KIF15: variants seen among roughly 807,000 people sequenced by gnomAD.
KIF15 encodes the protein kinesin-like protein KIF15.
Under a neutral mutation model 190.6 loss-of-function variants are expected in KIF15, and 140 were observed. The ratio of observed to expected loss-of-function variants is 0.73; its 90% CI spans 0.64 to 0.84. KIF15 has a LOEUF of 0.84. Among genes scored for constraint, KIF15 ranks in the 40% least tolerant of loss-of-function variants. KIF15 has a pLI of 0.00. For missense variants in KIF15, 1,372 were observed against 1,584.4 expected (o/e 0.87, Z 2.28); for synonymous variants, 528 against 551.3 (o/e 0.96, Z 0.59).
intron 6 of KIF15, among the ~76,000 whole-genome samples, chr3:44,868,018 G>A (rs1699339001): frequency 6.6e-6 from 1 of 152,094 alleles, no homozygotes; most frequent in South Asian, 2.1e-4. Context: ...TAGTATTTTA[G>A]TAGATTCACA....
chr3:44,829,888 G>A, intron 24 of KIF15, 83 bp from the exon 25 acceptor site: 1 of 537,126 alleles, frequency 1.9e-6, no homozygotes, highest in East Asian at 3.6e-5. Context: ...ATTGCCATTA[G>A]GAAAGATAAG....
chr3:44,862,707 G>C (rs920678536), intron 6 of KIF15: 1 of 151,862 alleles, frequency 6.6e-6, no homozygotes, highest in Non-Finnish European at 1.5e-5. Flanking sequence ...GCATCCTGGC[G>C]TCTGCTAAGG....
At chr3:44,821,604 A>G in intron 20 of KIF15, among the ~76,000 whole-genome samples, 1 of 143,788 alleles carries the variant, frequency 7.0e-6, no homozygotes, top group African/African-American at 2.6e-5. Context: ...CCTAGATGGG[A>G]TGGCGGCTGG....
intron 22 of KIF15, 64 bp from the exon 23 acceptor site, chr3:44,827,395 A>G: frequency 1.7e-6 from 2 of 1,171,194 alleles, no homozygotes; most frequent in Non-Finnish European, 2.6e-6. Context: ...ATTCTGTACT[A>G]ACAGATTCAG....
intron 26 of KIF15, among the ~76,000 whole-genome samples, chr3:44,832,122 G>A (rs1698101512): frequency 6.6e-6 from 1 of 152,046 alleles, no homozygotes; most frequent in African/African-American, 2.4e-5. Context: ...ATTCTGCCAG[G>A]GGAAATTCTA....
chr3:44,839,396 G>T (rs898028079), intron 27 of KIF15, among the ~76,000 whole-genome samples: 1 of 151,916 alleles, frequency 6.6e-6, no homozygotes, highest in African/African-American at 2.4e-5. Flanking sequence ...AAGAAAAGGA[G>T]ATGATGATTG....
At chr3:44,768,085 C>T (rs1705477609) in intron 1 of KIF15, among the ~76,000 whole-genome samples, 1 of 151,500 alleles carries the variant, frequency 6.6e-6, no homozygotes. Flanking sequence ...ACCATCCTGG[C>T]CAACATGGTG....
intron 20 of KIF15, among the ~76,000 whole-genome samples, chr3:44,821,649 C>A (rs112937609): frequency 2.0e-5 from 3 of 151,108 alleles, no homozygotes; most frequent in Non-Finnish European, 2.9e-5. Flanking sequence ...ACTGGGCAGC[C>A]AGGCAGAGGG....
chr3:44,849,040 G>C (rs1413818565), intron 32 of KIF15, among the ~76,000 whole-genome samples: 1 of 152,196 alleles, frequency 6.6e-6, no homozygotes, highest in African/African-American at 2.4e-5. Context: ...TCTTTGATGA[G>C]CAAGGTGTAC....
At chr3:44,763,450 C>T (rs1430509270) in intron 1 of KIF15, among the ~76,000 whole-genome samples, 3 of 152,030 alleles carry the variant, frequency 2.0e-5, no homozygotes, top group Admixed American at 1.3e-4. Context: ...TACAGGCACG[C>T]GCCACCATGC....
chr3:44,827,110 G>A (rs1697704725), intron 22 of KIF15: 1 of 442,406 alleles, frequency 2.3e-6, no homozygotes, highest in Non-Finnish European at 4.5e-6. Context: ...CACTGATCTG[G>A]TGAATTCCAG....
chr3:44,775,272 C>G lies in KIF15; in HGVS notation c.81C>G (p.Ile27Met). 6.2e-7 allele frequency: 1 copy of G among 1,613,366 alleles called. No homozygotes were observed. Among genetic ancestry groups the G allele is most frequent in the Non-Finnish European group, 8.5e-7 (1 of 1,179,734 alleles). ...TCTTTAGTAATGAAGGTGATGCCAT[C>G]AAAGTTTTTGTGCGAATTCGTCCTC... ...SNQPSNEGDAIKVFVRIRPPA... is the reference protein window; with the variant it reads ...SNQPSNEGDAMKVFVRIRPPA... Residue 27 changes from isoleucine to methionine, a missense_variant, in exon 3 of 35, where the codon ATC becomes ATG. Transcript: ENST00000326047.
chr3:44,866,605 A>G lies in KIF15; in HGVS notation c.*60-6724A>G, dbSNP rs573557009. ...GGGACCTGGTAGCCAGGAGGCTAGG[A>G]GAGCGAAGGGTCTTGTCCAGACCCT... On this transcript the variant is annotated intron_variant and NMD_transcript_variant, in intron 6 of 6. Coordinates refer to the KIF15 transcript ENST00000422209. Among the ~76,000 whole-genome samples, 12 of 152,296 alleles carry G rather than the reference A, an allele frequency of 7.9e-5. No homozygotes were observed. The East Asian group carries it at 2.3e-3, about 29-fold the overall frequency.
intron 32 of KIF15, among the ~76,000 whole-genome samples, chr3:44,849,361 G>A (rs368538687): frequency 2.0e-5 from 3 of 152,102 alleles, no homozygotes; most frequent in Non-Finnish European, 4.4e-5. Flanking sequence ...AGTAGCTCAC[G>A]CCTGTAATCC....
At chr3:44,822,060 C>T (rs555666019) in intron 20 of KIF15, among the ~76,000 whole-genome samples, 1 of 152,320 alleles carries the variant, frequency 6.6e-6, no homozygotes, top group African/African-American at 2.4e-5. Context: ...TTGCAGTGAG[C>T]TGAGATGTCA....
chr3:44,827,915 G>A (rs1697761221), intron 23 of KIF15, among the ~76,000 whole-genome samples: 1 of 152,108 alleles, frequency 6.6e-6, no homozygotes, highest in Non-Finnish European at 1.5e-5. Flanking sequence ...CTGAGCTCAA[G>A]TGATCCACCC....
intron 22 of KIF15, chr3:44,826,895 T>C: frequency 1.3e-5 from 5 of 376,756 alleles, no homozygotes; most frequent in South Asian, 1.0e-4. Context: ...CAGTGAATCT[T>C]TGGGCCTCGG....
intron 20 of KIF15, among the ~76,000 whole-genome samples, chr3:44,815,914 G>A (rs1708012087): frequency 6.6e-6 from 1 of 152,094 alleles, no homozygotes; most frequent in African/African-American, 2.4e-5. Context: ...TTTAATTTTT[G>A]TAGATGTTAC....
At chr3:44,861,968 C>T (rs777684758) in intron 6 of KIF15, 6 of 1,394,742 alleles carry the variant, frequency 4.3e-6, no homozygotes, top group South Asian at 1.6e-5. Context: ...GTGTCCGCGA[C>T]CGCGTACCCT....
Sources: gnomAD v4.1 joint callset for allele counts (sites outside exome capture counted in the v4.1 genomes callset) on GRCh38, gnomAD v4.1.1 for gene constraint, MANE v1.5 for transcripts, NCBI Gene and HGNC (gene_info 2026-07-23, HGNC 2026-07-21) for gene names.